The following HDAC4 variants were observed in gnomAD, a reference collection of about 807,000 sequenced individuals.
The protein encoded by HDAC4 is histone deacetylase A.
A neutral mutation model predicts 135.1 loss-of-function variants in HDAC4; 16 were observed. The ratio of observed to expected loss-of-function variants is 0.12; its 90% confidence interval spans 0.08 to 0.18. The LOEUF (loss-of-function observed/expected upper bound fraction) is 0.18, where lower values mean the gene tolerates loss of function less well. HDAC4 is among the 10% of genes least tolerant of loss of function. The pLI is 1.00. For synonymous variants in HDAC4, 685 were observed against 653.4 expected (o/e 1.05, Z -0.74); for missense variants, 1,143 against 1,511.8 (o/e 0.76, Z 4.05).
At chr2:239,341,143 C>A (rs1008879914) in intron 2 of HDAC4, among the ~76,000 whole-genome samples, 1 of 152,254 alleles carries the variant, frequency 6.6e-6, no homozygotes, top group African/African-American at 2.4e-5. Flanking sequence ...TGTTCTAGAA[C>A]TCTTTTTATC....
chr2:239,196,572 G>C (rs988738207), intron 3 of HDAC4, among the ~76,000 whole-genome samples: 1 of 152,214 alleles, frequency 6.6e-6, no homozygotes, highest in South Asian at 2.1e-4. Flanking sequence ...CGAGTCTGCC[G>C]TCAGCTTCTG....
chr2:239,075,731 C>A (rs1274328485), intron 22 of HDAC4, among the ~76,000 whole-genome samples: 2 of 152,270 alleles, frequency 1.3e-5, no homozygotes, highest in African/African-American at 4.8e-5. Context: ...CGACACAGCA[C>A]TGCACCCTTC....
intron 5 of HDAC4, among the ~76,000 whole-genome samples, chr2:239,171,054 A>G (rs1040108494): frequency 6.6e-6 from 1 of 152,142 alleles, no homozygotes; most frequent in Admixed American, 6.5e-5. Context: ...CAAGAAGGAA[A>G]ACAAAGTCCA....
At chr2:239,156,856 G>C in intron 6 of HDAC4, 83 bp from the exon 7 acceptor site, 8 of 1,548,156 alleles carry the variant, frequency 5.2e-6, no homozygotes, top group Non-Finnish European at 7.1e-6. Flanking sequence ...CACACACGAT[G>C]ATCTTTCCCT....
At chr2:239,170,980 A>C (rs945817306) in intron 5 of HDAC4, among the ~76,000 whole-genome samples, 2 of 152,238 alleles carry the variant, frequency 1.3e-5, no homozygotes, top group African/African-American at 4.8e-5. Flanking sequence ...AACCCAACTC[A>C]GAATCAGCTC....
intron 17 of HDAC4, chr2:239,093,951 G>A (rs2036752724): frequency 5.1e-6 from 5 of 985,008 alleles, no homozygotes; most frequent in Non-Finnish European, 6.0e-6. Context: ...AATAAATGCC[G>A]TTTATTCTCT....
At chr2:239,223,130 CATAAG>C (rs1399422064) in intron 3 of HDAC4, among the ~76,000 whole-genome samples, 1 of 152,234 alleles carries the variant, frequency 6.6e-6, no homozygotes, top group African/African-American at 2.4e-5. Flanking sequence ...ATCAAGTTTA[CATAAG>C]AACGCATTTC....
intron 4 of HDAC4, among the ~76,000 whole-genome samples, chr2:239,189,372 G>A (rs559102321): frequency 5.3e-5 from 8 of 151,794 alleles, no homozygotes; most frequent in South Asian, 2.1e-4. Flanking sequence ...TTTTCTTACC[G>A]CATTTAAATT....
rs1479262314 is a variant in HDAC4, at chr2:239,051,562, C to T, written c.*1535G>A. The T allele has an allele frequency of 1.3e-5, 2 of 152,466 alleles. No individual in the cohort carries two copies. The highest frequency in any genetic ancestry group is 2.1e-4 in the South Asian group (1 of 4,820). 9.4% of individuals were successfully genotyped at this position (152,466 alleles called of 1,614,324 possible). ...GGATCTTTTTGTGAAAAAATTCATA[C>T]AAAAATCAACAGCAAATTTATATTC... is the stretch of plus-strand genomic sequence containing the variant. On this transcript the variant is annotated 3_prime_UTR_variant, in exon 27 of 27. Coordinates refer to ENST00000543185, the MANE Select transcript of HDAC4 (RefSeq NM_001378414.1).
chr2:239,332,585 T>C (rs1691658438), intron 2 of HDAC4, among the ~76,000 whole-genome samples: 1 of 151,246 alleles, frequency 6.6e-6, no homozygotes. Flanking sequence ...AAGCCATACA[T>C]AGGTGGAAAT....
intron 2 of HDAC4, among the ~76,000 whole-genome samples, chr2:239,277,234 C>T (rs2050422758): frequency 6.6e-6 from 1 of 152,218 alleles, no homozygotes; most frequent in South Asian, 2.1e-4. Flanking sequence ...CAGAGCCGAG[C>T]CCGGTGAGCT....
chr2:239,190,308 T>C (rs916141536), intron 3 of HDAC4, among the ~76,000 whole-genome samples: 1 of 151,990 alleles, frequency 6.6e-6, no homozygotes, highest in African/African-American at 2.4e-5. Context: ...CAAAAGCCCA[T>C]GGGAGGTCAG....
At chr2:239,326,525 T>A (rs1240284297) in intron 2 of HDAC4, among the ~76,000 whole-genome samples, 1 of 152,230 alleles carries the variant, frequency 6.6e-6, no homozygotes, top group Non-Finnish European at 1.5e-5. Flanking sequence ...ATGTTATGTA[T>A]ATTTTACCAC....
chr2:239,212,387 T>TA (rs199811352), intron 3 of HDAC4, among the ~76,000 whole-genome samples: 1,704 of 151,498 alleles, frequency 0.011, 15 homozygotes, highest in Non-Finnish European at 0.017. Context: ...AAAAGCAGTT[T>TA]AAAAAAAAGA....
chr2:239,334,710 A>G (rs1221250477), intron 2 of HDAC4, among the ~76,000 whole-genome samples: 1 of 152,050 alleles, frequency 6.6e-6, no homozygotes, highest in African/African-American at 2.4e-5. Flanking sequence ...TTCTGTTGAA[A>G]TTGAAAAGCT....
chr2:239,153,935 C>T (rs3791502), intron 7 of HDAC4, among the ~76,000 whole-genome samples: 13,166 of 152,278 alleles, frequency 0.086, 620 homozygotes, highest in East Asian at 0.18. Context: ...GACAGTGTGC[C>T]GTCTCCCATG....
In HDAC4 at chr2:239,146,620, C is replaced by T. The variant is rs2152922282; in HGVS notation, c.734-1906G>A. Among the ~76,000 whole-genome samples, 1 of 152,262 alleles carries T rather than the reference C, an allele frequency of 6.6e-6. No individual in the cohort carries two copies. Among genetic ancestry groups the T allele is most frequent in the East Asian group, 1.9e-4 (1 of 5,172 alleles). On this transcript the variant is annotated intron_variant, in intron 7 of 26. Transcript: ENST00000543185. This position sits in a 1 kb window ranked among gnomAD's most constrained non-coding sequence, Gnocchi z 4.5. ...CAGTCAGGCGGCAGATCCTCCACAGCCCTGCCGGGCACTCCAGACTCTTTG... is the reference window on the plus strand; with the variant it reads ...CAGTCAGGCGGCAGATCCTCCACAGTCCTGCCGGGCACTCCAGACTCTTTG...
intron 2 of HDAC4, among the ~76,000 whole-genome samples, chr2:239,325,310 T>C (rs934020740): frequency 5.3e-5 from 8 of 152,226 alleles, no homozygotes; most frequent in African/African-American, 1.2e-4. Context: ...ACCTACAGAA[T>C]AGAAGGAGAT....
intron 2 of HDAC4, among the ~76,000 whole-genome samples, chr2:239,241,411 T>C (rs2048168097): frequency 6.6e-6 from 1 of 152,220 alleles, no homozygotes; most frequent in Non-Finnish European, 1.5e-5. Flanking sequence ...TCTTCTTACA[T>C]GTTTATTGGC....
Sources: gnomAD v4.1 joint callset for allele counts (sites outside exome capture counted in the v4.1 genomes callset) on GRCh38, gnomAD v4.1.1 for gene constraint, Gnocchi (gnomAD v3.1) non-coding constraint, MANE v1.5 for transcripts, NCBI Gene and HGNC (gene_info 2026-07-23, HGNC 2026-07-21) for gene names.